RPTOR: variants seen among roughly 807,000 people sequenced by gnomAD.
The protein encoded by RPTOR is regulatory associated protein of MTOR complex 1.
In RPTOR, 21 loss-of-function variants were observed where a neutral mutation model predicts 169.9. The observed-to-expected ratio is 0.12, with a 90% CI of 0.09 to 0.18. The LOEUF is 0.18. Among genes scored for constraint, RPTOR ranks in the 10% least tolerant of loss-of-function variants. The probability of loss-of-function intolerance (pLI) is 1.00; values close to 1 mark genes in which losing one functional copy is unlikely to be tolerated. For missense variants in RPTOR, 1,133 were observed against 1,855.9 expected (o/e 0.61, Z 7.16); for synonymous variants, 732 against 753.2 (o/e 0.97, Z 0.46).
intron 6 of RPTOR, among the ~76,000 whole-genome samples, chr17:80,766,790 T>C (rs2066791866): frequency 1.3e-5 from 2 of 152,020 alleles, no homozygotes; most frequent in Admixed American, 6.6e-5. Context: ...TAGTTTTTAA[T>C]TAAAAAACTC....
At chr17:80,963,782 ACCCCGTCCCCTCTGCG>A (rs2069382745) in intron 33 of RPTOR, among the ~76,000 whole-genome samples, 1 of 68,692 alleles carries the variant, frequency 1.5e-5, no homozygotes, top group Non-Finnish European at 2.9e-5. Flanking sequence ...TGCGGCCCTC[ACCCCGTCCCCTCTGCG>A]GCCCTCACCC....
At chr17:80,888,761 G>C (rs1314913111) in intron 17 of RPTOR, among the ~76,000 whole-genome samples, 1 of 152,208 alleles carries the variant, frequency 6.6e-6, no homozygotes, top group Non-Finnish European at 1.5e-5. Context: ...GGGCCGGCTG[G>C]GGCCTCAGTG....
chr17:80,827,712 G>A (rs1333307345), intron 9 of RPTOR, among the ~76,000 whole-genome samples: 5 of 152,172 alleles, frequency 3.3e-5, no homozygotes, highest in Admixed American at 3.3e-4. Context: ...AGCCCAGGGA[G>A]CAATCTGACC....
At position 80,726,850 on chromosome 17, in the gene RPTOR, C is replaced by T. The variant is rs1167975627; in HGVS notation, c.508-3710C>T. ...CTGCCAAAATCCTTTCTCCTGTCAGCGTGGGGGGTGATCCTGCCCAATTAA... is the reference window on the plus strand; with the variant it reads ...CTGCCAAAATCCTTTCTCCTGTCAGTGTGGGGGGTGATCCTGCCCAATTAA... On this transcript the variant is annotated intron_variant, in intron 4 of 33. Coordinates refer to ENST00000306801, the MANE Select transcript of RPTOR (RefSeq NM_020761.3). The surrounding 1 kb of genome is among the most constrained non-coding windows in gnomAD (Gnocchi z 4.5). Among the ~76,000 whole-genome samples, 3 of 152,174 alleles carry T rather than the reference C, an allele frequency of 2.0e-5. No individual in the cohort carries two copies. Among genetic ancestry groups the T allele is most frequent in the Non-Finnish European group, 2.9e-5 (2 of 68,036 alleles).
intron 9 of RPTOR, among the ~76,000 whole-genome samples, chr17:80,827,590 C>T (rs1442303469): frequency 6.6e-6 from 1 of 152,190 alleles, no homozygotes; most frequent in African/African-American, 2.4e-5. Context: ...CCCACCTGCA[C>T]CCCCAGGGAG....
In RPTOR at chr17:80,957,734, A is replaced by G. The variant is rs1239969638; in HGVS notation, c.3477+4A>G. 1.2e-6 allele frequency: 2 copies of G among 1,613,238 alleles called. No homozygotes were observed. Among genetic ancestry groups the G allele is most frequent in the Non-Finnish European group, 1.7e-6 (2 of 1,179,434 alleles). ...AGACCGTGAGATGAAGGTGCAGGTA[A>G]CCATGCAGGTGTCCCCCAAGCCCTG... On this transcript the variant is annotated splice_donor_region_variant and intron_variant, in intron 29 of 33. Coordinates refer to ENST00000306801, the MANE Select transcript of RPTOR (RefSeq NM_020761.3). This position sits in a 1 kb window ranked among gnomAD's most constrained non-coding sequence, Gnocchi z 4.6.
At chr17:80,778,717 A>G (rs1299045272) in intron 6 of RPTOR, among the ~76,000 whole-genome samples, 1 of 152,154 alleles carries the variant, frequency 6.6e-6, no homozygotes, top group Non-Finnish European at 1.5e-5. Flanking sequence ...GAGGATGACT[A>G]GAGCCCGGGA....
At chr17:80,632,341 C>T (rs994054673) in intron 2 of RPTOR, among the ~76,000 whole-genome samples, 1 of 152,202 alleles carries the variant, frequency 6.6e-6, no homozygotes, top group African/African-American at 2.4e-5. Flanking sequence ...GGACGGGACG[C>T]GCAGGCCCTT....
chr17:80,678,518 G>T (rs1333790502), intron 3 of RPTOR, among the ~76,000 whole-genome samples: 1 of 152,206 alleles, frequency 6.6e-6, no homozygotes, highest in African/African-American at 2.4e-5. Context: ...AGACCTAATG[G>T]TCGGGCATGT....
At chr17:80,911,668 G>A (rs1041497216) in intron 21 of RPTOR, among the ~76,000 whole-genome samples, 6 of 152,166 alleles carry the variant, frequency 3.9e-5, no homozygotes, top group South Asian at 2.1e-4. Context: ...ACTTGTGGTC[G>A]CAGCTACCCA....
chr17:80,747,441 C>T (rs769591860), intron 5 of RPTOR, among the ~76,000 whole-genome samples: 3 of 152,212 alleles, frequency 2.0e-5, no homozygotes, highest in Non-Finnish European at 4.4e-5. Flanking sequence ...CTTGTCTATA[C>T]ATCAACGTAC....
chr17:80,784,651 C>A (rs899486625), intron 6 of RPTOR, among the ~76,000 whole-genome samples: 5 of 151,954 alleles, frequency 3.3e-5, no homozygotes, highest in Admixed American at 6.6e-5. Flanking sequence ...CCTCAGCCCC[C>A]CAAAGTGCTG....
rs201259050 is a variant in RPTOR at position 80,643,745 on chromosome 17, C to G, written c.283C>G (p.Pro95Ala). The G allele has an allele frequency of 2.0e-4, 320 of 1,613,146 alleles. 2 individuals are homozygous for G. Among genetic ancestry groups the G allele is most frequent in the Non-Finnish European group, 2.5e-4 (295 of 1,179,654 alleles). Residue 95 changes from proline (P) to alanine (A), a missense_variant, in exon 3 of 34, where the codon CCT becomes GCT. Pro to Ala is a conservative substitution (Grantham distance 27, BLOSUM62 -1). Coordinates refer to ENST00000306801, the MANE Select transcript of RPTOR (RefSeq NM_020761.3). Reference sequence around the variant, plus strand: ...TTCCTCAGATCCTCTGTCGATGGGTCCTCAGAAAGCTCTGGAAACCATCGG... The same window carrying G: ...TTCCTCAGATCCTCTGTCGATGGGTGCTCAGAAAGCTCTGGAAACCATCGG... ...ECWIDPLSMG[P>A]QKALETIGAN...
chr17:80,858,084 G>C, intron 13 of RPTOR, 184 bp downstream of exon 13: 1 of 607,860 alleles, frequency 1.6e-6, no homozygotes, highest in Non-Finnish European at 3.0e-6. Flanking sequence ...TCTGGGTCGT[G>C]GGGGCTGTCA....
intron 7 of RPTOR, among the ~76,000 whole-genome samples, chr17:80,809,198 A>G (rs1343267051): frequency 6.6e-6 from 1 of 151,750 alleles, no homozygotes; most frequent in Admixed American, 6.6e-5. Context: ...GGTTTTTTTT[A>G]TTTTATTTTT....
chr17:80,736,014 A>G (rs1432728018), intron 5 of RPTOR, among the ~76,000 whole-genome samples: 1 of 152,144 alleles, frequency 6.6e-6, no homozygotes, highest in Non-Finnish European at 1.5e-5. Context: ...TCTACAAAAA[A>G]TACAAAAGTT....
Position 80,695,779 on chromosome 17 carries a change from CAG to C in RPTOR, c.349-12061_349-12060del, listed in dbSNP as rs2066031141. Among the ~76,000 whole-genome samples, 1 of 152,196 alleles carries C rather than the reference CAG, an allele frequency of 6.6e-6. No individual in the cohort carries two copies. The highest frequency in any genetic ancestry group is 1.5e-5 in the Non-Finnish European group (1 of 68,038). On this transcript the variant is annotated intron_variant, in intron 3 of 33. Transcript: ENST00000306801. This position sits in a 1 kb window ranked among gnomAD's most constrained non-coding sequence, Gnocchi z 4.9. Reference sequence around the variant, plus strand: ...CTTGAGGCCCATCTTTACAGAGTGACAGGAGCTCAGGATGCAGAGGCACCAAG... The same window carrying C: ...CTTGAGGCCCATCTTTACAGAGTGACGAGCTCAGGATGCAGAGGCACCAAG...
chr17:80,693,206 G>C (rs1201191596), intron 3 of RPTOR, among the ~76,000 whole-genome samples: 1 of 152,208 alleles, frequency 6.6e-6, no homozygotes, highest in Non-Finnish European at 1.5e-5. Context: ...CTCATGTGCT[G>C]TGCGGACAGT....
intron 5 of RPTOR, among the ~76,000 whole-genome samples, chr17:80,749,318 A>T (rs1288808295): frequency 3.0e-5 from 1 of 33,136 alleles, no homozygotes; most frequent in Admixed American, 2.9e-4. Flanking sequence ...GGGTGGATGG[A>T]GGGGCTGCGG....
Sources: allele counts gnomAD v4.1 joint callset (sites outside exome capture counted in the v4.1 genomes callset), GRCh38; gene constraint gnomAD v4.1.1; non-coding constraint Gnocchi (gnomAD v3.1); transcripts MANE v1.5; gene names NCBI Gene and HGNC (gene_info 2026-07-23, HGNC 2026-07-21).